The following TMEM150C variants were observed in gnomAD, a reference collection of about 807,000 sequenced individuals.
TMEM150C encodes the protein tentonin 3.
Under a neutral mutation model 29.9 loss-of-function variants are expected in TMEM150C, and 10 were observed. The observed-to-expected ratio is 0.33, with a 90% CI of 0.21 to 0.57. The LOEUF is 0.57. Among genes scored for constraint, TMEM150C ranks in the 20% least tolerant of loss-of-function variants. The probability of loss-of-function intolerance (pLI) is 0.88; values close to 1 mark genes in which losing one functional copy is unlikely to be tolerated. For synonymous variants in TMEM150C, 101 were observed against 112.5 expected (o/e 0.90, Z 0.64); for missense variants, 251 against 303.6 (o/e 0.83, Z 1.29).
intron 6 of TMEM150C, among the ~76,000 whole-genome samples, chr4:82,493,338 C>A (rs1723433032): frequency 6.6e-6 from 1 of 151,656 alleles, no homozygotes; most frequent in African/African-American, 2.4e-5. Context: ...GTTTTCCATG[C>A]TATATAAATC....
intron 1 of TMEM150C, among the ~76,000 whole-genome samples, chr4:82,527,011 T>C (rs1693198931): frequency 6.7e-6 from 1 of 148,224 alleles, no homozygotes; most frequent in African/African-American, 2.5e-5. Flanking sequence ...ACCCAGATCA[T>C]ACTGGGTCTT....
At chr4:82,529,068 G>A (rs1724748911) in intron 1 of TMEM150C, among the ~76,000 whole-genome samples, 1 of 152,000 alleles carries the variant, frequency 6.6e-6, no homozygotes, top group South Asian at 2.1e-4. Context: ...CGGAGAGTGT[G>A]TGAAGGGAGA....
intron 1 of TMEM150C, among the ~76,000 whole-genome samples, chr4:82,506,077 G>A (rs1578130295): frequency 6.6e-6 from 1 of 151,982 alleles, no homozygotes; most frequent in Admixed American, 6.6e-5. Flanking sequence ...ATTAAAACAA[G>A]TTGTTGTTTT....
chr4:82,557,034 C>G (rs893869059), intron 1 of TMEM150C, among the ~76,000 whole-genome samples: 1 of 152,170 alleles, frequency 6.6e-6, no homozygotes, highest in Non-Finnish European at 1.5e-5. Flanking sequence ...ACCCTAGATG[C>G]CTATGCTGGG....
In TMEM150C at chr4:82,485,485, C is replaced by G. The variant is rs1723129474; in HGVS notation, c.*26G>C. On this transcript the variant is annotated 3_prime_UTR_variant, in exon 8 of 8. Transcript: ENST00000449862. ...GCCCCTCCCCCACTGTCACACCCAC[C>G]TCACCAGCAAGGAAAAACTGATGGT... is the stretch of plus-strand genomic sequence containing the variant. 6.4e-7 allele frequency: 1 copy of G among 1,564,420 alleles called. No homozygotes were observed. Among genetic ancestry groups the G allele is most frequent in the South Asian group, 1.2e-5 (1 of 85,158 alleles).
chr4:82,515,736 CAA>C (rs557328249), intron 1 of TMEM150C, among the ~76,000 whole-genome samples: 62 of 115,062 alleles, frequency 5.4e-4, no homozygotes, highest in Admixed American at 5.4e-4. Flanking sequence ...GACTCTATCT[CAA>C]AAAAAAAAAA....
At chr4:82,497,076 G>C (rs1462549931) in intron 5 of TMEM150C, among the ~76,000 whole-genome samples, 1 of 152,100 alleles carries the variant, frequency 6.6e-6, no homozygotes, top group African/African-American at 2.4e-5. Context: ...AGAGAATGAG[G>C]GAAGTTACTT....
intron 1 of TMEM150C, among the ~76,000 whole-genome samples, chr4:82,554,773 T>C (rs759134572): frequency 2.6e-4 from 39 of 152,336 alleles, no homozygotes; most frequent in Non-Finnish European, 4.7e-4. Flanking sequence ...TAGTTAAGCA[T>C]AGTTACTTCT....
intron 1 of TMEM150C, among the ~76,000 whole-genome samples, chr4:82,527,019 C>CTTTTTTT (rs893109064): frequency 2.7e-5 from 2 of 74,690 alleles, no homozygotes; most frequent in Non-Finnish European, 4.8e-5. Flanking sequence ...CATACTGGGT[C>CTTTTTTT]TTTTTTTTTT....
chr4:82,514,265 C>T (rs1178962302), intron 1 of TMEM150C, among the ~76,000 whole-genome samples: 2 of 152,230 alleles, frequency 1.3e-5, no homozygotes, highest in Non-Finnish European at 2.9e-5. Context: ...TGCTGTGGAC[C>T]AGGGGCTGCT....
intron 5 of TMEM150C, among the ~76,000 whole-genome samples, chr4:82,500,718 C>G (rs1398393332): frequency 6.6e-6 from 1 of 152,012 alleles, no homozygotes; most frequent in Non-Finnish European, 1.5e-5. Flanking sequence ...AACTTGTGAG[C>G]TATACAAACT....
At chr4:82,558,572 A>C (rs1725815598) in intron 1 of TMEM150C, among the ~76,000 whole-genome samples, 1 of 152,156 alleles carries the variant, frequency 6.6e-6, no homozygotes, top group Non-Finnish European at 1.5e-5. Flanking sequence ...TCTTTGCATG[A>C]TGATTGATTT....
At chr4:82,509,302 A>G (rs1560486071) in intron 1 of TMEM150C, among the ~76,000 whole-genome samples, 1 of 152,098 alleles carries the variant, frequency 6.6e-6, no homozygotes, top group Non-Finnish European at 1.5e-5. Flanking sequence ...GACCTGTAGC[A>G]TGAGGTCTGC....
intron 1 of TMEM150C, among the ~76,000 whole-genome samples, chr4:82,523,070 C>T (rs953923096): frequency 1.2e-4 from 19 of 152,222 alleles, no homozygotes; most frequent in African/African-American, 3.9e-4. Flanking sequence ...CCAAATGATA[C>T]AGCTTTGATG....
intron 6 of TMEM150C, chr4:82,490,970 C>T (rs919827160): frequency 2.7e-6 from 2 of 733,576 alleles, no homozygotes; most frequent in Admixed American, 3.5e-5. Flanking sequence ...TAGCTTCCAC[C>T]CGCTTAGCCA....
chr4:82,555,398 C>A (rs1242566493), intron 1 of TMEM150C, among the ~76,000 whole-genome samples: 1 of 152,166 alleles, frequency 6.6e-6, no homozygotes, highest in Non-Finnish European at 1.5e-5. Context: ...AGGAAGACAG[C>A]TCTGGAGACA....
At chr4:82,537,993 C>T (rs1423009984) in intron 1 of TMEM150C, among the ~76,000 whole-genome samples, 1 of 152,140 alleles carries the variant, frequency 6.6e-6, no homozygotes, top group East Asian at 1.9e-4. Context: ...GAAACTAATA[C>T]ACTAAGGAAA....
intron 1 of TMEM150C, among the ~76,000 whole-genome samples, chr4:82,539,572 A>C (rs926535501): frequency 1.3e-5 from 2 of 151,278 alleles, no homozygotes; most frequent in Non-Finnish European, 2.9e-5. Context: ...CCTGCCTCCG[A>C]CTCCCGAGTA....
At chr4:82,527,017 G>GT (rs1402427675) in intron 1 of TMEM150C, among the ~76,000 whole-genome samples, 1 of 134,154 alleles carries the variant, frequency 7.5e-6, no homozygotes, top group Non-Finnish European at 1.6e-5. Flanking sequence ...ATCATACTGG[G>GT]TCTTTTTTTT....
Sources: allele counts gnomAD v4.1 joint callset (sites outside exome capture counted in the v4.1 genomes callset), GRCh38; gene constraint gnomAD v4.1.1; transcripts MANE v1.5; gene names NCBI Gene and HGNC (gene_info 2026-07-23, HGNC 2026-07-21).